Variants in OVCH2 observed in about 807,000 individuals in gnomAD.
OVCH2 encodes the protein ovochymase-2.
OVCH2 carries 88 observed loss-of-function variants against 73.7 expected under a neutral mutation model. The observed-to-expected ratio is 1.19, with a 90% CI of 1.01 to 1.43. The LOEUF is 1.43. Ranked by LOEUF, OVCH2 falls within the 40% of genes most tolerant of loss-of-function variation. OVCH2 has a pLI of 0.00. For synonymous variants in OVCH2, 265 were observed against 234.5 expected (o/e 1.13, Z -1.19); for missense variants, 706 against 674.5 (o/e 1.05, Z -0.52).
At chr11:7,700,003 A>C (rs1856405228) in intron 7 of OVCH2, 1 of 309,236 alleles carries the variant, frequency 3.2e-6, no homozygotes, top group African/African-American at 2.1e-5. Flanking sequence ...GAATCCAGAG[A>C]AGTAAGTGGT....
At chr11:7,703,969 C>T (rs1395385004) in intron 2 of OVCH2, among the ~76,000 whole-genome samples, 180 bp from the exon 3 acceptor site, 2 of 152,120 alleles carry the variant, frequency 1.3e-5, no homozygotes, top group African/African-American at 4.8e-5. Context: ...GTGCTGGCAA[C>T]CCTGGTCTAG....
the OVCH2 span, among the ~76,000 whole-genome samples, chr11:7,681,738 G>C: frequency 6.7e-4 from 102 of 151,924 alleles, no homozygotes; most frequent in African/African-American, 2.4e-3. Flanking sequence ...CCAGGAGTAA[G>C]TGAGGCAGTT....
chr11:7,683,331 C>T, the OVCH2 span, among the ~76,000 whole-genome samples: 1 of 152,134 alleles, frequency 6.6e-6, no homozygotes, highest in Non-Finnish European at 1.5e-5. Flanking sequence ...GTTGATCAGG[C>T]CAAAAGCCCC....
At chr11:7,692,551 G>C (rs7945112) in intron 12 of OVCH2, among the ~76,000 whole-genome samples, 106,061 of 152,072 alleles carry the variant, frequency 0.7, 37,974 homozygotes, top group Non-Finnish European at 0.78. Flanking sequence ...AGAAGGCACA[G>C]ATGTAAGTGA....
At chr11:7,691,546 C>T in intron 13 of OVCH2, 146 bp from the exon 14 acceptor site, 1 of 1,129,960 alleles carries the variant, frequency 8.8e-7, no homozygotes, top group African/African-American at 1.6e-5. Context: ...AAAGGCAGCT[C>T]ACTCCTTAAT....
intron 12 of OVCH2, among the ~76,000 whole-genome samples, chr11:7,694,554 A>G (rs1427488339): frequency 6.6e-6 from 1 of 152,170 alleles, no homozygotes; most frequent in African/African-American, 2.4e-5. Flanking sequence ...CAGTTTAATA[A>G]ATAAGGAAGA....
downstream of OVCH2, among the ~76,000 whole-genome samples, chr11:7,684,495 CAT>C (rs757020861): frequency 5.9e-5 from 7 of 119,502 alleles, no homozygotes; most frequent in Middle Eastern, 3.9e-3. Flanking sequence ...TATACACACA[CAT>C]ACATACATAT....
chr11:7,703,826 G>T, intron 2 of OVCH2, 37 bp from the exon 3 acceptor site: 13 of 1,511,740 alleles, frequency 8.6e-6, no homozygotes, highest in Non-Finnish European at 1.2e-5. Flanking sequence ...GCAAGTTCAT[G>T]CCCTGGGATC....
At chr11:7,695,211 A>C in intron 11 of OVCH2, 23 bp from the exon 12 acceptor site, 1 of 1,547,266 alleles carries the variant, frequency 6.5e-7, no homozygotes, top group Non-Finnish European at 8.7e-7. Flanking sequence ...AAAAAGTCCA[A>C]ACAGATGGCA....
rs375950148 is a variant in OVCH2 at position 7,702,292 on chromosome 11, A to C, written c.328T>G (p.Tyr110Asp). Residue 110 changes from tyrosine to aspartate, a missense_variant, in exon 4 of 16, where the codon TAT becomes GAT. Transcript: ENST00000533663. ...CCTGGGTCTGTCTGGCTTAAGTCAT[A>C]CTCTCCAGCAGTAACATTCAAAGTA... ...VSTLNVTAGE[Y>D]DLSQTDPGEQ... is the part of the protein sequence containing the mutation. The C allele has an allele frequency of 1.1e-4, 180 of 1,609,090 alleles. No individual in the cohort carries two copies. Among genetic ancestry groups the C allele is most frequent in the Non-Finnish European group, 1.4e-4 (168 of 1,178,324 alleles).
At position 7,704,569 on chromosome 11, in the gene OVCH2, C is replaced by T; in HGVS notation, c.194G>A (p.Trp65Ter). The change falls in exon 2 of 16, where the codon TGG (tryptophan) becomes TAG (stop). Residue 65 changes from tryptophan to a stop codon, truncating the protein, a stop_gained. Coordinates refer to ENST00000533663, the MANE Select transcript of OVCH2 (RefSeq NM_198185.7). LOFTEE classifies it high-confidence loss of function. ...ATAGAAGTCCTTGAGACTCACCTGC[C>T]AGGGATAGGAACCCTTCTCCACTTG... is the stretch of plus-strand genomic sequence containing the variant. ...GSQVEKGSYP[W>*]QVSLKQRQKH... is the part of the protein sequence containing the mutation. 6.2e-7 allele frequency: 1 copy of T among 1,601,582 alleles called. No homozygotes were observed. The highest frequency in any genetic ancestry group is 1.1e-5 in the South Asian group (1 of 90,186).
chr11:7,687,585 CTG>C (rs1229425735), downstream of OVCH2, among the ~76,000 whole-genome samples: 16 of 152,094 alleles, frequency 1.1e-4, no homozygotes, highest in Admixed American at 7.2e-4. Context: ...AGCAATCAGA[CTG>C]TGGAATTCTG....
At chr11:7,690,081 A>G (rs1276206841) in intron 14 of OVCH2, 68 bp from the exon 15 acceptor site, 4 of 1,145,778 alleles carry the variant, frequency 3.5e-6, no homozygotes, top group African/African-American at 3.1e-5. Context: ...TTTATCAGAA[A>G]ATGATTTATG....
At position 7,703,691 on chromosome 11, in the gene OVCH2, T is replaced by C; in HGVS notation, c.290+7A>G. On this transcript the variant is annotated splice_region_variant and intron_variant, in intron 3 of 15. Coordinates refer to ENST00000533663, the MANE Select transcript of OVCH2 (RefSeq NM_198185.7). The stretch of plus-strand genomic sequence containing the variant: ...TGGTCTTCACTCATGGGCTAGGCCT[T>C]TCTTACCTGTTTGCAATGCAGTGAG... The C allele has an allele frequency of 6.3e-7, 1 of 1,595,384 alleles. No homozygotes were observed. Among genetic ancestry groups the C allele is most frequent in the South Asian group, 1.2e-5 (1 of 86,914 alleles).
intron 14 of OVCH2, 91 bp downstream of exon 14, chr11:7,691,178 G>A (rs370423379): frequency 1.4e-5 from 20 of 1,427,950 alleles, no homozygotes; most frequent in African/African-American, 8.6e-5. Context: ...AGTGAGAATC[G>A]ACTGTCTCTG....
intron 14 of OVCH2, among the ~76,000 whole-genome samples, chr11:7,690,534 G>A (rs1856201195): frequency 6.6e-6 from 1 of 151,880 alleles, no homozygotes; most frequent in Non-Finnish European, 1.5e-5. Flanking sequence ...CAGACATACA[G>A]TCACTCGTTC....
the OVCH2 span, among the ~76,000 whole-genome samples, chr11:7,680,585 G>T: frequency 2.6e-5 from 4 of 151,462 alleles, no homozygotes; most frequent in East Asian, 1.9e-4. Context: ...CTTTGAAGAT[G>T]GGGGGAGGGG....
downstream of OVCH2, among the ~76,000 whole-genome samples, chr11:7,688,335 C>T (rs150031528): frequency 4.8e-3 from 724 of 152,304 alleles, 7 homozygotes; most frequent in African/African-American, 0.016. Context: ...AATTCATCTT[C>T]AACCTCTCAC....
chr11:7,685,719 A>T (rs917014154), downstream of OVCH2, among the ~76,000 whole-genome samples: 1 of 151,240 alleles, frequency 6.6e-6, no homozygotes, highest in African/African-American at 2.4e-5. Context: ...GGATATCTTT[A>T]TCTTGTGTCT....
Sources: allele counts gnomAD v4.1 joint callset (sites outside exome capture counted in the v4.1 genomes callset), GRCh38; gene constraint gnomAD v4.1.1; transcripts MANE v1.5; gene names NCBI Gene and HGNC (gene_info 2026-07-23, HGNC 2026-07-21).